PRH2: variants seen among roughly 807,000 people sequenced by gnomAD.
The protein encoded by PRH2 is proline rich protein HaeIII subfamily 2, also known as salivary acidic proline-rich phosphoprotein 1/2.
A neutral mutation model predicts 22.6 loss-of-function variants in PRH2; 19 were observed. That is an observed-to-expected ratio of 0.84 (90% CI 0.59 to 1.23). PRH2 has a LOEUF of 1.23. Ranked by LOEUF, PRH2 falls within the 50% of genes most tolerant of loss-of-function variation. PRH2 has a pLI of 0.00. For synonymous variants in PRH2, 45 were observed against 72.0 expected (o/e 0.63, Z 1.90); for missense variants, 109 against 203.0 (o/e 0.54, Z 2.81).
chr12:10,934,572 A>T lies in PRH2; in HGVS notation c.*2365A>T, dbSNP rs939255054. Among the ~76,000 whole-genome samples the T allele has an allele frequency of 2.0e-5, 3 of 152,076 alleles. No homozygotes were observed. The highest frequency in any genetic ancestry group is 7.2e-5 in the African/African-American group (3 of 41,400). ...GACAATTTCTTCATCTATCACATGT[A>T]CCTGTTATACATACTTATTAATTGG... On this transcript the variant is annotated 3_prime_UTR_variant, in exon 4 of 4. Coordinates refer to ENST00000396400, the MANE Select transcript of PRH2 (RefSeq NM_001110213.1).
rs1313660330 is a variant in PRH2 at position 10,932,116 on chromosome 12, T to C, written c.*19-110T>C. ...TTAAGGAGGGGGGCTGTAGAAGGGA[T>C]AGAGGGCAAAAGGATGGTTTTGCAT... is the stretch of plus-strand genomic sequence containing the variant. On this transcript the variant is annotated intron_variant, in intron 3 of 3. Transcript: ENST00000396400. 1.9e-5 allele frequency: 6 copies of C among 317,616 alleles called. No individual in the cohort carries two copies. In the East Asian group the frequency reaches 4.6e-4, roughly 24 times the overall value. 19.7% of individuals were successfully genotyped at this position (317,616 alleles called of 1,614,324 possible).
chr12:10,931,048 C>A lies in PRH2; in HGVS notation c.487C>A (p.Gln163Lys), dbSNP rs74062407. The change falls in exon 3 of 4, where the codon CAG (glutamine) becomes AAG (lysine). Residue 163 changes from glutamine to lysine, a missense_variant. Physicochemically the swap from Gln to Lys is moderately conservative, Grantham distance 53 (BLOSUM62 1). This residue lies in a region of PRH2 where 41 missense variants were observed against 93.6 expected (regional missense o/e 0.44). Transcript: ENST00000396400. ...GGRPQGPPQG[Q>K]SPQ ...CCGCCCACAAGGACCTCCACAGGGGCAGTCTCCTCAGTAATCTAGGATTCA... is the reference window on the plus strand; with the variant it reads ...CCGCCCACAAGGACCTCCACAGGGGAAGTCTCCTCAGTAATCTAGGATTCA... 6.9e-3 allele frequency: 10,864 copies of A among 1,583,630 alleles called. 644 individuals are homozygous for A. In the African/African-American group the frequency reaches 0.12, roughly 18 times the overall value.
rs1345103963 is a variant in PRH2, at chr12:10,934,321, T to C, written c.*2114T>C. Among the ~76,000 whole-genome samples the C allele has an allele frequency of 1.3e-5, 2 of 152,258 alleles. No individual in the cohort carries two copies. The highest frequency in any genetic ancestry group is 4.8e-5 in the African/African-American group (2 of 41,568). On this transcript the variant is annotated 3_prime_UTR_variant, in exon 4 of 4. Coordinates refer to ENST00000396400, the MANE Select transcript of PRH2 (RefSeq NM_001110213.1). ...ATAACTACAGCTCCTCTATAAACCA[T>C]CTCACCATTATTACCGAAATCAGAC...
At position 10,933,090 on chromosome 12, in the gene PRH2, T is replaced by C. The variant is rs1361731262; in HGVS notation, c.*883T>C. Among the ~76,000 whole-genome samples, 1 of 152,044 alleles carries C rather than the reference T, an allele frequency of 6.6e-6. No homozygotes were observed. Among genetic ancestry groups the C allele is most frequent in the Non-Finnish European group, 1.5e-5 (1 of 67,972 alleles). The stretch of plus-strand genomic sequence containing the variant: ...TAAAATTGGCAAAAGATTGTGAAAA[T>C]TCTGGAAGAATAAGGGAAACAGATA... On this transcript the variant is annotated 3_prime_UTR_variant, in exon 4 of 4. Transcript: ENST00000396400.
At chr12:10,931,209 T>C in intron 3 of PRH2, 129 bp downstream of exon 3, 4 of 1,513,606 alleles carry the variant, frequency 2.6e-6, no homozygotes, top group Non-Finnish European at 3.5e-6. Flanking sequence ...ATGAGTTTTG[T>C]TCAAATATTC....
intron 3 of PRH2, among the ~76,000 whole-genome samples, chr12:10,931,716 T>TATATAATAA (rs1273789919): frequency 4.3e-4 from 65 of 152,320 alleles, no homozygotes; most frequent in African/African-American, 1.5e-3. Flanking sequence ...TTCCCACCAC[T>TATATAATAA]AATACCACAC....
At position 10,932,218 on chromosome 12, in the gene PRH2, T is replaced by C. The variant is rs1380034162; in HGVS notation, c.*19-8T>C. The C allele has an allele frequency of 6.9e-6, 3 of 436,844 alleles. No homozygotes were observed. The East Asian group carries it at 2.1e-4, about 31-fold the overall frequency. 27.1% of individuals were successfully genotyped at this position (436,844 alleles called of 1,614,324 possible). On this transcript the variant is annotated splice_polypyrimidine_tract_variant and splice_region_variant and intron_variant, in intron 3 of 3. Transcript: ENST00000396400. ...AGTCTTGCCTATAATCTTCCTTGTC[T>C]TTTTCAGGAAGTGAATAAGAAGATG...
rs1218375101 is a variant in PRH2, at chr12:10,934,629, A to C, written c.*2422A>C. Among the ~76,000 whole-genome samples the C allele has an allele frequency of 1.3e-5, 2 of 152,074 alleles. No individual in the cohort carries two copies. The highest frequency in any genetic ancestry group is 2.9e-5 in the Non-Finnish European group (2 of 67,998). On this transcript the variant is annotated 3_prime_UTR_variant, in exon 4 of 4. Transcript: ENST00000396400. Reference sequence around the variant, plus strand: ...AGTTAATTTCTTCCTTTAAAAAAAAAACTATAGGCTCAATATGAAAGTAGA... The same window carrying C: ...AGTTAATTTCTTCCTTTAAAAAAAACACTATAGGCTCAATATGAAAGTAGA...
rs1266363579 is a variant in PRH2 at position 10,934,704 on chromosome 12, G to A, written c.*2497G>A. 6.6e-6 allele frequency among the ~76,000 whole-genome samples: 1 copy of A among 151,898 alleles called. No homozygotes were observed. Among genetic ancestry groups the A allele is most frequent in the Non-Finnish European group, 1.5e-5 (1 of 67,952 alleles). ...GGGCACATAGCTTTTTTCACAAAAAGATTATTTTGCCCCAGACAGCTATCT... is the reference window on the plus strand; with the variant it reads ...GGGCACATAGCTTTTTTCACAAAAAAATTATTTTGCCCCAGACAGCTATCT... On this transcript the variant is annotated 3_prime_UTR_variant, in exon 4 of 4. Transcript: ENST00000396400.
In PRH2 at chr12:10,933,439, A is replaced by AT. The variant is rs1950242041; in HGVS notation, c.*1238dup. On this transcript the variant is annotated 3_prime_UTR_variant, in exon 4 of 4. Transcript: ENST00000396400. ...AAATACCCCAAGTTCTTGAAAAAAA[A>AT]TTTTTTGATATGACTACTCTAACAG... Among the ~76,000 whole-genome samples the AT allele has an allele frequency of 6.6e-6, 1 of 151,972 alleles. No homozygotes were observed. Among genetic ancestry groups the AT allele is most frequent in the Non-Finnish European group, 1.5e-5 (1 of 67,934 alleles).
In PRH2 at chr12:10,934,331, A is replaced by G. The variant is rs940152658; in HGVS notation, c.*2124A>G. The stretch of plus-strand genomic sequence containing the variant: ...CTCCTCTATAAACCATCTCACCATT[A>G]TTACCGAAATCAGACAAATTCTGGA... On this transcript the variant is annotated 3_prime_UTR_variant, in exon 4 of 4. Coordinates refer to ENST00000396400, the MANE Select transcript of PRH2 (RefSeq NM_001110213.1). 3.9e-5 allele frequency among the ~76,000 whole-genome samples: 6 copies of G among 152,156 alleles called. No individual in the cohort carries two copies. Among genetic ancestry groups the G allele is most frequent in the African/African-American group, 1.4e-4 (6 of 41,436 alleles).
At position 10,932,926 on chromosome 12, in the gene PRH2, C is replaced by A. The variant is rs558037596; in HGVS notation, c.*719C>A. Among the ~76,000 whole-genome samples, 16 of 151,326 alleles carry A rather than the reference C, an allele frequency of 1.1e-4. No homozygotes were observed. The highest frequency in any genetic ancestry group is 3.9e-4 in the African/African-American group (16 of 41,214). Reference sequence around the variant, plus strand: ...TATTGAAAAAAAAGTAAGCAATGAGCTCAAATAATTAAAAAAGAGAGACAA... The same window carrying A: ...TATTGAAAAAAAAGTAAGCAATGAGATCAAATAATTAAAAAAGAGAGACAA... On this transcript the variant is annotated 3_prime_UTR_variant, in exon 4 of 4. Coordinates refer to ENST00000396400, the MANE Select transcript of PRH2 (RefSeq NM_001110213.1).
rs1266921551 is a variant in PRH2, at chr12:10,933,175, A to G, written c.*968A>G. ...GTTTTAAAAGATGAGTTTTTCCTAC[A>G]TTCTGAAAAGCAAACATGAAAAACT... On this transcript the variant is annotated 3_prime_UTR_variant, in exon 4 of 4. Transcript: ENST00000396400. 6.6e-6 allele frequency among the ~76,000 whole-genome samples: 1 copy of G among 152,130 alleles called. No homozygotes were observed. Among genetic ancestry groups the G allele is most frequent in the Non-Finnish European group, 1.5e-5 (1 of 67,986 alleles).
chr12:10,929,375 G>T, intron 1 of PRH2, 38 bp downstream of exon 1: 1 of 1,612,842 alleles, frequency 6.2e-7, no homozygotes, highest in Non-Finnish European at 8.5e-7. Context: ...GACTCTGATT[G>T]GGGTTTACGG....
At chr12:10,931,439 T>G (rs1353705427) in intron 3 of PRH2, among the ~76,000 whole-genome samples, 1 of 152,218 alleles carries the variant, frequency 6.6e-6, no homozygotes, top group African/African-American at 2.4e-5. Flanking sequence ...GGCTCAGTCC[T>G]GCCTCACACT....
chr12:10,929,669 A>C (rs1450984082), intron 1 of PRH2, among the ~76,000 whole-genome samples: 1 of 152,202 alleles, frequency 6.6e-6, no homozygotes, highest in African/African-American at 2.4e-5. Flanking sequence ...TACTGATCCC[A>C]GTAGACAGGG....
At position 10,932,219 on chromosome 12, in the gene PRH2, T is replaced by A. The variant is rs577959227; in HGVS notation, c.*19-7T>A. On this transcript the variant is annotated splice_polypyrimidine_tract_variant and splice_region_variant and intron_variant, in intron 3 of 3. Coordinates refer to ENST00000396400, the MANE Select transcript of PRH2 (RefSeq NM_001110213.1). ...GTCTTGCCTATAATCTTCCTTGTCT[T>A]TTTCAGGAAGTGAATAAGAAGATGA... 4.6e-6 allele frequency: 2 copies of A among 436,784 alleles called. No homozygotes were observed. Among genetic ancestry groups the A allele is most frequent in the South Asian group, 3.2e-5 (2 of 62,434 alleles). The allele number at this position is 436,784 out of a possible 1,614,324, so 27.1% of individuals were successfully genotyped here.
At position 10,932,477 on chromosome 12, in the gene PRH2, C is replaced by A; in HGVS notation, c.*270C>A. On this transcript the variant is annotated 3_prime_UTR_variant, in exon 4 of 4. Transcript: ENST00000396400. Reference sequence around the variant, plus strand: ...AAGTCATCTGCCTGGGGAAGGAGTTCCACTGTTTCTTTCCTTCTCTGTCTT... The same window carrying A: ...AAGTCATCTGCCTGGGGAAGGAGTTACACTGTTTCTTTCCTTCTCTGTCTT... 1 of 181,022 alleles carries A rather than the reference C, an allele frequency of 5.5e-6. No homozygotes were observed. Among genetic ancestry groups the A allele is most frequent in the Non-Finnish European group, 1.2e-5 (1 of 82,178 alleles). The allele number at this position is 181,022 out of a possible 1,614,324, so 11.2% of individuals were successfully genotyped here.
At position 10,930,248 on chromosome 12, in the gene PRH2, C is replaced by T. The variant is rs369003453; in HGVS notation, c.65-21C>T. On this transcript the variant is annotated intron_variant, in intron 1 of 3. Transcript: ENST00000396400. ...TGATTCATGCAGTAACTTTTCCCATCATCCTGTACTTCTTTTCTAGATGTC... is the reference window on the plus strand; with the variant it reads ...TGATTCATGCAGTAACTTTTCCCATTATCCTGTACTTCTTTTCTAGATGTC... 99 of 1,612,032 alleles carry T rather than the reference C, an allele frequency of 6.1e-5. No homozygotes were observed. In the African/African-American group the frequency reaches 9.6e-4, roughly 16 times the overall value.
Sources: gnomAD v4.1 joint callset for allele counts (sites outside exome capture counted in the v4.1 genomes callset) on GRCh38, gnomAD v4.1.1 for gene constraint, gnomAD v4.1.1 regional missense constraint, MANE v1.5 for transcripts, NCBI Gene and HGNC (gene_info 2026-07-23, HGNC 2026-07-21) for gene names.